Variants in CCDC7 observed in about 807,000 individuals in gnomAD.
CCDC7 encodes the protein coiled-coil domain containing 7.
A neutral mutation model predicts 196.9 loss-of-function variants in CCDC7; 183 were observed. That is an observed-to-expected ratio of 0.93 (90% CI 0.82 to 1.05). The LOEUF is 1.05. CCDC7 is among the 50% of genes least tolerant of loss of function. The pLI is 0.00. For synonymous variants in CCDC7, 525 were observed against 484.6 expected (o/e 1.08, Z -1.10); for missense variants, 1,540 against 1,482.2 (o/e 1.04, Z -0.64).
intron 39 of CCDC7, among the ~76,000 whole-genome samples, chr10:32,849,917 A>G (rs2093479529): frequency 1.3e-5 from 2 of 152,058 alleles, no homozygotes; most frequent in Admixed American, 1.3e-4. Flanking sequence ...CTGATTCTGC[A>G]GGGGGGAACT....
chr10:32,668,085 G>A lies in CCDC7; in HGVS notation c.2122+3924G>A, dbSNP rs182664989. Among the ~76,000 whole-genome samples, 33 of 151,972 alleles carry A rather than the reference G, an allele frequency of 2.2e-4. No homozygotes were observed. In the South Asian group the frequency reaches 6.0e-3, roughly 28 times the overall value. On this transcript the variant is annotated intron_variant, in intron 21 of 41. Coordinates refer to ENST00000639629, the Ensembl canonical transcript of CCDC7. Reference sequence around the variant, plus strand: ...AGTTCTCCTTGAAGAGGTCCTTCACGTCCCTTGTAAGTTGGATTCCCAGGT... The same window carrying A: ...AGTTCTCCTTGAAGAGGTCCTTCACATCCCTTGTAAGTTGGATTCCCAGGT...
chr10:32,453,938 C>T (rs1017571177), intron 2 of CCDC7, among the ~76,000 whole-genome samples: 1 of 152,170 alleles, frequency 6.6e-6, no homozygotes, highest in African/African-American at 2.4e-5. Context: ...AGAATAGCTA[C>T]TGAATCCAGC....
intron 18 of CCDC7, among the ~76,000 whole-genome samples, chr10:32,606,076 CT>C (rs957662744): frequency 6.6e-6 from 1 of 152,174 alleles, no homozygotes; most frequent in Non-Finnish European, 1.5e-5. Context: ...CCTTTGGACA[CT>C]TCTCTTTGTA....
intron 18 of CCDC7, among the ~76,000 whole-genome samples, chr10:32,605,199 T>C (rs1438418808): frequency 3.3e-5 from 5 of 152,146 alleles, no homozygotes; most frequent in Admixed American, 6.5e-5. Flanking sequence ...AGCCCAAGGC[T>C]TCACCAGACA....
chr10:32,490,534 C>A (rs1055049860), intron 8 of CCDC7, among the ~76,000 whole-genome samples: 5 of 152,152 alleles, frequency 3.3e-5, no homozygotes. Flanking sequence ...CAGTGGCTCA[C>A]GCCTGTAATC....
intron 13 of CCDC7, 26 bp downstream of exon 14, chr10:32,544,327 T>C: frequency 1.3e-6 from 2 of 1,591,728 alleles, no homozygotes; most frequent in Non-Finnish European, 1.7e-6. Context: ...TCTCTATGCA[T>C]CAATATTTGA....
chr10:32,645,869 G>A (rs1564948743), intron 20 of CCDC7, among the ~76,000 whole-genome samples: 4 of 151,842 alleles, frequency 2.6e-5, no homozygotes, highest in Admixed American at 6.6e-5. Flanking sequence ...TATTTCTGTG[G>A]CATCAGCTGC....
intron 28 of CCDC7, among the ~76,000 whole-genome samples, chr10:32,734,158 G>A (rs554918082): frequency 6.6e-6 from 1 of 152,092 alleles, no homozygotes; most frequent in Non-Finnish European, 1.5e-5. Context: ...ATTCACAACA[G>A]CAAAGATACG....
intron 18 of CCDC7, among the ~76,000 whole-genome samples, chr10:32,603,645 A>G (rs1384940053): frequency 6.6e-6 from 1 of 150,382 alleles, no homozygotes; most frequent in Non-Finnish European, 1.5e-5. Flanking sequence ...GATAATAAGC[A>G]TTCGATCTAG....
intron 18 of CCDC7, among the ~76,000 whole-genome samples, chr10:32,624,876 G>C (rs1400218391): frequency 6.6e-6 from 1 of 150,984 alleles, no homozygotes; most frequent in East Asian, 1.9e-4. Flanking sequence ...TGAATTGCTT[G>C]AGTTCATTAT....
chr10:32,869,781 A>G (rs2094354713), intron 41 of CCDC7, among the ~76,000 whole-genome samples: 3 of 148,968 alleles, frequency 2.0e-5, no homozygotes, highest in Non-Finnish European at 4.5e-5. Flanking sequence ...CTTTCTACAT[A>G]TAGCTAGCCA....
chr10:32,555,979 A>G (rs1044979677), intron 13 of CCDC7, among the ~76,000 whole-genome samples: 2 of 152,140 alleles, frequency 1.3e-5, no homozygotes, highest in African/African-American at 2.4e-5. Context: ...CCTAGTAGCA[A>G]GAGATTAAAA....
intron 20 of CCDC7, among the ~76,000 whole-genome samples, chr10:32,637,926 T>A (rs2065950417): frequency 6.6e-6 from 1 of 152,226 alleles, no homozygotes; most frequent in South Asian, 2.1e-4. Context: ...TTTGTAGTTC[T>A]CCTTGAAGAG....
At chr10:32,657,088 T>G (rs779818357) in intron 20 of CCDC7, among the ~76,000 whole-genome samples, 17 of 152,254 alleles carry the variant, frequency 1.1e-4, no homozygotes, top group Non-Finnish European at 2.5e-4. Flanking sequence ...TTCCGTGGCC[T>G]TAGGCAGCTC....
intron 29 of CCDC7, among the ~76,000 whole-genome samples, chr10:32,779,748 T>C (rs2080742107): frequency 6.6e-6 from 1 of 152,170 alleles, no homozygotes; most frequent in Non-Finnish European, 1.5e-5. Context: ...GAATAATCTA[T>C]CAGAACCAAC....
chr10:32,710,019 A>C (rs925044315), intron 24 of CCDC7, among the ~76,000 whole-genome samples: 1 of 152,202 alleles, frequency 6.6e-6, no homozygotes, highest in Non-Finnish European at 1.5e-5. Context: ...CAAAGTTGTC[A>C]GAACCCAAAT....
At chr10:32,554,701 C>CCTTCAGAG (rs1234761427) in intron 13 of CCDC7, among the ~76,000 whole-genome samples, 1 of 152,214 alleles carries the variant, frequency 6.6e-6, no homozygotes, top group Non-Finnish European at 1.5e-5. Flanking sequence ...CTGTCTGCTT[C>CCTTCAGAG]CTTCAGAGGG....
intron 28 of CCDC7, among the ~76,000 whole-genome samples, chr10:32,739,118 A>G (rs1236520857): frequency 6.6e-6 from 1 of 151,872 alleles, no homozygotes; most frequent in Non-Finnish European, 1.5e-5. Flanking sequence ...AGGTCTAGAC[A>G]TTTTTGCTAT....
At chr10:32,656,045 C>A (rs2069777481) in intron 20 of CCDC7, among the ~76,000 whole-genome samples, 1 of 146,072 alleles carries the variant, frequency 6.8e-6, no homozygotes, top group South Asian at 2.3e-4. Flanking sequence ...TGTGCAGGAA[C>A]TGTTTAGTTT....
Sources: gnomAD v4.1 joint callset for allele counts (sites outside exome capture counted in the v4.1 genomes callset) on GRCh38, gnomAD v4.1.1 for gene constraint, MANE v1.5 for transcripts, NCBI Gene and HGNC (gene_info 2026-07-23, HGNC 2026-07-21) for gene names.